The following GPC4 variants were observed in gnomAD, a reference collection of about 807,000 sequenced individuals.
The protein encoded by GPC4 is glypican-4.
In GPC4, 10 loss-of-function variants were observed where a neutral mutation model predicts 35.0. The observed-to-expected ratio is 0.29, with a 90% CI of 0.18 to 0.48. GPC4 has a LOEUF of 0.48. GPC4 is among the 20% of genes least tolerant of loss of function. The pLI is 0.99. For synonymous variants in GPC4, 167 were observed against 170.2 expected, an observed-to-expected ratio of 0.98 and a Z score of 0.15; for missense variants, 322 against 451.3, an observed-to-expected ratio of 0.71 and a Z score of 2.60.
At chrX:133,401,137 CT>C (rs1225028794) in intron 1 of GPC4, among the ~76,000 whole-genome samples, 1 of 111,059 alleles carries the variant, frequency 9.0e-6, no homozygotes, top group African/African-American at 3.3e-5. Flanking sequence ...GGGATGGGAC[CT>C]GGATAAAGAT....
intron 1 of GPC4, among the ~76,000 whole-genome samples, chrX:133,344,101 G>A (rs2066972706): frequency 9.4e-6 from 1 of 106,931 alleles, no homozygotes; most frequent in South Asian, 4.3e-4. Context: ...ATAAATGGTA[G>A]ATAGGTGCTC....
intron 2 of GPC4, among the ~76,000 whole-genome samples, chrX:133,327,278 C>CA (rs2068398409): frequency 9.0e-6 from 1 of 111,409 alleles, no homozygotes; most frequent in Non-Finnish European, 1.9e-5. Flanking sequence ...TAAGGAACGT[C>CA]ACCTAGAGTC....
At chrX:133,356,330 C>T (rs924781975) in intron 1 of GPC4, among the ~76,000 whole-genome samples, 8 of 111,237 alleles carry the variant, frequency 7.2e-5, no homozygotes, top group African/African-American at 2.6e-4. Flanking sequence ...CTGCAACCTC[C>T]ACCTCCTGGG....
chrX:133,336,344 G>A (rs1406310010), intron 2 of GPC4, among the ~76,000 whole-genome samples: 2 of 111,237 alleles, frequency 1.8e-5, no homozygotes, highest in African/African-American at 3.3e-5. Flanking sequence ...AGACTAGCCT[G>A]GCCAACATGG....
In GPC4 at chrX:133,415,437, C is replaced by T. The variant is rs1003803721; in HGVS notation, c.-472G>A. On this transcript the variant is annotated 5_prime_UTR_variant, in exon 1 of 9. Transcript: ENST00000370828. ...GTCCGGCTGGACTCGGCTCGGCTGA[C>T]TCTGCCCTCCGCCGCGCGGCTGTGC... 2.6e-5 allele frequency: 3 copies of T among 115,540 alleles called. No homozygotes were observed. Among genetic ancestry groups the T allele is most frequent in the African/African-American group, 9.7e-5 (3 of 30,891 alleles). 9.5% of individuals were successfully genotyped at this position (115,540 alleles called of 1,213,427 possible).
At chrX:133,320,580 C>A (rs898626003) in intron 3 of GPC4, among the ~76,000 whole-genome samples, 20 of 95,295 alleles carry the variant, frequency 2.1e-4, no homozygotes, top group African/African-American at 6.9e-4. Flanking sequence ...GTCGAGATTG[C>A]GCCATTGCAC....
chrX:133,378,562 C>G (rs1049348478), intron 1 of GPC4, among the ~76,000 whole-genome samples: 1 of 91,263 alleles, frequency 1.1e-5, no homozygotes, highest in Non-Finnish European at 2.1e-5. Context: ...GGCGACAGTG[C>G]GAGACTCCAT....
Position 133,301,144 on chromosome X carries a change from C to T in GPC4, c.*1723G>A, listed in dbSNP as rs2068265739. The stretch of plus-strand genomic sequence containing the variant: ...CCAATATTCCATTTTGACCACTCTG[C>T]AGAATTTGGTGTAAAAAGTTGAATG... On this transcript the variant is annotated 3_prime_UTR_variant, in exon 9 of 9. Coordinates refer to ENST00000370828, the MANE Select transcript of GPC4 (RefSeq NM_001448.3). The T allele has an allele frequency of 8.9e-6, 1 of 112,462 alleles. No homozygotes were observed. The highest frequency in any genetic ancestry group is 3.7e-4 in the South Asian group (1 of 2,720). 9.3% of individuals were successfully genotyped at this position (112,462 alleles called of 1,213,427 possible). A position where few individuals can be genotyped will look rare whatever the true frequency, so the allele number is the denominator to read the frequency against.
intron 1 of GPC4, among the ~76,000 whole-genome samples, chrX:133,401,541 A>G (rs929920689): frequency 8.9e-6 from 1 of 112,250 alleles, no homozygotes; most frequent in Non-Finnish European, 1.9e-5. Flanking sequence ...CTAAATCTTT[A>G]TTCAGATTAC....
intron 1 of GPC4, among the ~76,000 whole-genome samples, chrX:133,340,959 G>C (rs1021519770): frequency 2.7e-5 from 3 of 110,118 alleles, no homozygotes; most frequent in Non-Finnish European, 3.8e-5. Flanking sequence ...TGGCATTTCT[G>C]AAAACCTTGG....
chrX:133,385,419 G>A (rs2068684556), intron 1 of GPC4, among the ~76,000 whole-genome samples: 1 of 112,251 alleles, frequency 8.9e-6, no homozygotes, highest in South Asian at 3.7e-4. Flanking sequence ...TGGCTAATTT[G>A]CTTTTGATTT....
Position 133,324,550 on chromosome X carries a change from CAAAAAAAA to C in GPC4, c.320-22_320-15del, listed in dbSNP as rs57898529. The C allele has an allele frequency of 1.4e-5, 11 of 807,431 alleles. No individual in the cohort carries two copies. The highest frequency in any genetic ancestry group is 1.1e-4 in the South Asian group (2 of 18,242). The allele number at this position is 807,431 out of a possible 1,213,427, so 66.5% of individuals were successfully genotyped here. On this transcript the variant is annotated splice_polypyrimidine_tract_variant and intron_variant, in intron 2 of 8. Transcript: ENST00000370828. ...CTTTGAAGAATTCTGAAACCAACAC[CAAAAAAAA>C]AAAAAAAAAAAGGAAAAACGAGAGT...
chrX:133,390,144 C>T (rs1306669294), intron 1 of GPC4, among the ~76,000 whole-genome samples: 2 of 110,763 alleles, frequency 1.8e-5, no homozygotes, highest in Non-Finnish European at 3.8e-5. Context: ...TCTAAGCTAC[C>T]GGTCGAACTC....
rs771437745 is a variant in GPC4, at chrX:133,302,820, G to A, written c.*47C>T. 4 of 1,127,598 alleles carry A rather than the reference G, an allele frequency of 3.5e-6. No homozygotes were observed. The Admixed American group carries it at 6.6e-5, about 19-fold the overall frequency. 92.9% of individuals were successfully genotyped at this position (1,127,598 alleles called of 1,213,427 possible). On this transcript the variant is annotated 3_prime_UTR_variant, in exon 9 of 9. Transcript: ENST00000370828. ...CTAGGATGGTAGAAAAGTGATAACT[G>A]GTGCCTTTTAACTTTTTGATGAACA...
At chrX:133,354,561 TTTATTTA>T (rs2068531475) in intron 1 of GPC4, among the ~76,000 whole-genome samples, 1 of 91,507 alleles carries the variant, frequency 1.1e-5, no homozygotes, top group African/African-American at 5.3e-5. Flanking sequence ...TATTTATTTA[TTTATTTA>T]TTTTTTTTTT....
At chrX:133,326,738 T>G (rs1336248553) in intron 2 of GPC4, among the ~76,000 whole-genome samples, 1 of 112,516 alleles carries the variant, frequency 8.9e-6, no homozygotes, top group Non-Finnish European at 1.9e-5. Flanking sequence ...TTAAATAAAT[T>G]TATTGCATTC....
intron 3 of GPC4, among the ~76,000 whole-genome samples, chrX:133,318,898 G>A (rs1298907674): frequency 8.9e-6 from 1 of 112,207 alleles, no homozygotes; most frequent in Non-Finnish European, 1.9e-5. Context: ...GAAATCACTG[G>A]AGATGTGGGC....
intron 1 of GPC4, among the ~76,000 whole-genome samples, chrX:133,356,335 C>T (rs1457886964): frequency 1.8e-5 from 2 of 111,369 alleles, no homozygotes; most frequent in Non-Finnish European, 3.8e-5. Context: ...ACCTCCACCT[C>T]CTGGGTTCAA....
chrX:133,345,412 G>A (rs1221899145), intron 1 of GPC4, among the ~76,000 whole-genome samples: 2 of 112,517 alleles, frequency 1.8e-5, no homozygotes, highest in Non-Finnish European at 3.8e-5. Context: ...CTTGTACTAG[G>A]TGAGGGAGGG....
Sources: gnomAD v4.1 joint callset for allele counts (sites outside exome capture counted in the v4.1 genomes callset) on GRCh38, gnomAD v4.1.1 for gene constraint, MANE v1.5 for transcripts, NCBI Gene and HGNC (gene_info 2026-07-23, HGNC 2026-07-21) for gene names.